The following FHAD1 variants were observed in gnomAD, a reference collection of about 807,000 sequenced individuals.
FHAD1 encodes the protein forkhead-associated domain-containing protein 1.
In FHAD1, 146 loss-of-function variants were observed where a neutral mutation model predicts 191.3. The observed-to-expected ratio is 0.76, with a 90% CI of 0.67 to 0.88. The LOEUF (loss-of-function observed/expected upper bound fraction) is 0.88, where lower values mean the gene tolerates loss of function less well. FHAD1 is among the 40% of genes least tolerant of loss of function. FHAD1 has a pLI of 0.00. For missense variants in FHAD1, 1,635 were observed against 1,785.8 expected, an observed-to-expected ratio of 0.92 and a Z score of 1.52; for synonymous variants, 616 against 672.3, an observed-to-expected ratio of 0.92 and a Z score of 1.29.
chr1:15,271,940 G>A (rs902272659), intron 2 of FHAD1, among the ~76,000 whole-genome samples: 40 of 151,758 alleles, frequency 2.6e-4, no homozygotes, highest in Admixed American at 2.6e-4. Context: ...GACGATTTTC[G>A]GTTTTGGTAA....
At chr1:15,286,409 A>G (rs878883660) in intron 3 of FHAD1, among the ~76,000 whole-genome samples, 1 of 152,212 alleles carries the variant, frequency 6.6e-6, no homozygotes, top group Non-Finnish European at 1.5e-5. Flanking sequence ...AGGCTGAGGC[A>G]GGAGGATCAC....
At chr1:15,390,663 G>A (rs988305002) in intron 32 of FHAD1, among the ~76,000 whole-genome samples, 5 of 152,310 alleles carry the variant, frequency 3.3e-5, no homozygotes, top group Admixed American at 1.3e-4. Flanking sequence ...AACTGTTGCT[G>A]AGGTGCCACA....
chr1:15,377,955 C>T (rs777482172), intron 28 of FHAD1, among the ~76,000 whole-genome samples: 1 of 152,160 alleles, frequency 6.6e-6, no homozygotes, highest in Non-Finnish European at 1.5e-5. Context: ...TCATTTAATC[C>T]ACACAGCAGC....
rs1569778152 is a variant in FHAD1 at position 15,342,020 on chromosome 1, T to G, written c.2130+132T>G. 4.3e-6 allele frequency: 3 copies of G among 698,056 alleles called. No homozygotes were observed. In the East Asian group the frequency reaches 9.1e-5, roughly 21 times the overall value. 43.2% of individuals were successfully genotyped at this position (698,056 alleles called of 1,614,324 possible). On this transcript the variant is annotated intron_variant, in intron 16 of 33. Coordinates refer to ENST00000688493, the MANE Select transcript of FHAD1 (RefSeq NM_001391957.1). ...TTTGGTGCCATGAAACTAAATTAAT[T>G]AAACAGGGTGAATAATTGGGGAGGA...
At chr1:15,322,615 C>T (rs978361212) in intron 10 of FHAD1, among the ~76,000 whole-genome samples, 15 of 152,216 alleles carry the variant, frequency 9.9e-5, no homozygotes, top group African/African-American at 3.4e-4. Context: ...ACATGAGCCA[C>T]ACTTCAAGTG....
intron 2 of FHAD1, among the ~76,000 whole-genome samples, chr1:15,271,954 AAAAAAT>A (rs1347663877): frequency 1.6e-4 from 25 of 152,168 alleles, no homozygotes; most frequent in Admixed American, 1.6e-3. Flanking sequence ...TTGGTAAAAT[AAAAAAT>A]AAAAATAAAA....
rs1266843649 is a variant in FHAD1 at position 15,318,137 on chromosome 1, T to C, written c.1365+209T>C. 6.6e-6 allele frequency among the ~76,000 whole-genome samples: 1 copy of C among 152,196 alleles called. No homozygotes were observed. The highest frequency in any genetic ancestry group is 1.9e-4 in the East Asian group (1 of 5,200). On this transcript the variant is annotated intron_variant, in intron 10 of 33. Coordinates refer to ENST00000688493, the MANE Select transcript of FHAD1 (RefSeq NM_001391957.1). This position sits in a 1 kb window ranked among gnomAD's most constrained non-coding sequence, Gnocchi z 4.1. The stretch of plus-strand genomic sequence containing the variant: ...GGTTGGTCTGACTCCAAGGCCCCTG[T>C]GAGTAACCCCACTACTCCTCACTGC...
At chr1:15,272,566 C>T (rs1490775245) in intron 3 of FHAD1, 37 bp downstream of exon 3, 4 of 1,520,314 alleles carry the variant, frequency 2.6e-6, no homozygotes, top group South Asian at 1.2e-5. Context: ...GGGGCCATGT[C>T]GCCTTCGTGC....
At chr1:15,293,679 C>T (rs1205827743) in intron 4 of FHAD1, among the ~76,000 whole-genome samples, 5 of 152,296 alleles carry the variant, frequency 3.3e-5, no homozygotes, top group South Asian at 2.1e-4. Flanking sequence ...GATTGTGCCA[C>T]TGCACTCCAG....
chr1:15,328,585 A>T, intron 13 of FHAD1, 156 bp downstream of exon 13: 1 of 660,742 alleles, frequency 1.5e-6, no homozygotes, highest in East Asian at 3.3e-5. Flanking sequence ...GTTGGAGAAG[A>T]AAAAACAAAG....
intron 33 of FHAD1, among the ~76,000 whole-genome samples, chr1:15,396,330 A>G (rs1413320370): frequency 6.6e-6 from 1 of 151,914 alleles, no homozygotes; most frequent in African/African-American, 2.4e-5. Context: ...TCAAGAAAAA[A>G]AAAAAGAAAA....
chr1:15,381,900 T>G lies in FHAD1; in HGVS notation c.4023-128T>G, dbSNP rs1278441486. 3.0e-6 allele frequency: 3 copies of G among 1,005,842 alleles called. No homozygotes were observed. Among genetic ancestry groups the G allele is most frequent in the Non-Finnish European group, 4.4e-6 (3 of 685,368 alleles). 62.3% of individuals were successfully genotyped at this position (1,005,842 alleles called of 1,614,324 possible). A position where few individuals can be genotyped will look rare whatever the true frequency, so the allele number is the denominator to read the frequency against. On this transcript the variant is annotated intron_variant, in intron 30 of 33. Coordinates refer to ENST00000688493, the MANE Select transcript of FHAD1 (RefSeq NM_001391957.1). The surrounding 1 kb of genome is among the most constrained non-coding windows in gnomAD (Gnocchi z 4.6). ...ACCCCAAATCTTCGTCATGCTCTCC[T>G]GCTTGTGATGACACTCCTGAGTGAG...
rs184727904 is a variant in FHAD1 at position 15,288,712 on chromosome 1, G to C, written c.301-687G>C. ...GAAAAGTCCCTAATCCCTTAGAGGG[G>C]ACATTCTCCTGACTCAGCAGATCAA... On this transcript the variant is annotated intron_variant, in intron 3 of 33. Coordinates refer to ENST00000688493, the MANE Select transcript of FHAD1 (RefSeq NM_001391957.1). 2.4e-3 allele frequency among the ~76,000 whole-genome samples: 359 copies of C among 152,362 alleles called. 1 individual carries two copies. Among genetic ancestry groups the C allele is most frequent in the Admixed American group, 3.9e-3 (60 of 15,304 alleles).
chr1:15,297,511 G>A (rs946627100), intron 5 of FHAD1, among the ~76,000 whole-genome samples: 6 of 152,224 alleles, frequency 3.9e-5, no homozygotes, highest in Admixed American at 6.5e-5. Flanking sequence ...TGTCACACAC[G>A]GGAGTGACAT....
At chr1:15,285,261 G>T (rs953421656) in intron 3 of FHAD1, among the ~76,000 whole-genome samples, 3 of 152,240 alleles carry the variant, frequency 2.0e-5, no homozygotes, top group African/African-American at 7.2e-5. Context: ...GCCGGGCGCT[G>T]TGGCTCATGC....
chr1:15,374,488 CA>C lies in FHAD1; in HGVS notation c.3448-13del, dbSNP rs1407765218. ...ATCCCTGATCAAATGCTGCCCGCCC[CA>C]TTCTGCCCACAGCAGCAATCCTTCA... On this transcript the variant is annotated splice_polypyrimidine_tract_variant and intron_variant, in intron 26 of 33. Coordinates refer to ENST00000688493, the MANE Select transcript of FHAD1 (RefSeq NM_001391957.1). The C allele has an allele frequency of 6.4e-7, 1 of 1,551,574 alleles. No individual in the cohort carries two copies. Among genetic ancestry groups the C allele is most frequent in the Non-Finnish European group, 8.7e-7 (1 of 1,146,962 alleles).
chr1:15,287,438 G>A (rs962939132), intron 3 of FHAD1, among the ~76,000 whole-genome samples: 22 of 152,170 alleles, frequency 1.4e-4, no homozygotes, highest in African/African-American at 5.3e-4. Flanking sequence ...CATGGCAGAA[G>A]GGGAAGCAAA....
intron 33 of FHAD1, among the ~76,000 whole-genome samples, chr1:15,394,875 A>T (rs1705393077): frequency 6.6e-6 from 1 of 152,214 alleles, no homozygotes; most frequent in Non-Finnish European, 1.5e-5. Context: ...CCTGTTGGAA[A>T]GAAACTTGCA....
intron 31 of FHAD1, chr1:15,383,624 T>G: frequency 3.3e-6 from 1 of 299,574 alleles, no homozygotes; most frequent in Non-Finnish European, 6.7e-6. Flanking sequence ...TTTCCTTCAC[T>G]CTTGCCTAAG....
Sources: allele counts gnomAD v4.1 joint callset (sites outside exome capture counted in the v4.1 genomes callset), GRCh38; gene constraint gnomAD v4.1.1; non-coding constraint Gnocchi (gnomAD v3.1); transcripts MANE v1.5; gene names NCBI Gene and HGNC (gene_info 2026-07-23, HGNC 2026-07-21).